Variants in SORBS2 observed in about 807,000 individuals in gnomAD.
SORBS2 encodes the protein sorbin and SH3 domain-containing protein 2.
A neutral mutation model predicts 97.7 loss-of-function variants in SORBS2; 46 were observed. That is an observed-to-expected ratio of 0.47 (90% confidence interval 0.37 to 0.60). SORBS2 has a LOEUF of 0.60. SORBS2 is among the 20% of genes least tolerant of loss of function. SORBS2 has a pLI of 0.00. For missense variants in SORBS2, 1,316 were observed against 1,282.3 expected (o/e 1.03, Z -0.40); for synonymous variants, 476 against 473.4 (o/e 1.01, Z -0.07).
intron 1 of SORBS2, among the ~76,000 whole-genome samples, chr4:185,854,192 G>A (rs999056236): frequency 4.6e-5 from 7 of 152,152 alleles, no homozygotes; most frequent in Admixed American, 6.5e-5. Flanking sequence ...AGGGGGTGGC[G>A]GAGTGGACAT....
intron 2 of SORBS2, among the ~76,000 whole-genome samples, chr4:185,767,682 C>T (rs904540556): frequency 7.2e-5 from 11 of 151,946 alleles, no homozygotes; most frequent in Non-Finnish European, 1.2e-4. Context: ...TACTGACTGC[C>T]CCGAGGCCTC....
chr4:185,593,290 C>T (rs1213905241), intron 13 of SORBS2: 1 of 152,284 alleles, frequency 6.6e-6, no homozygotes, highest in Non-Finnish European at 1.5e-5. Context: ...TTCAAGACAA[C>T]GTGTGACACC....
At chr4:185,764,157 C>T (rs1282995411) in intron 2 of SORBS2, among the ~76,000 whole-genome samples, 2 of 152,182 alleles carry the variant, frequency 1.3e-5, no homozygotes, top group Non-Finnish European at 2.9e-5. Flanking sequence ...CATATCCAGC[C>T]ATATCACTGC....
chr4:185,669,865 GA>G (rs1458470883), intron 4 of SORBS2, among the ~76,000 whole-genome samples: 1 of 152,114 alleles, frequency 6.6e-6, no homozygotes, highest in Non-Finnish European at 1.5e-5. Flanking sequence ...AGACATGTTT[GA>G]CAATTTCCAA....
intron 1 of SORBS2, among the ~76,000 whole-genome samples, chr4:185,911,576 G>A (rs965204170): frequency 4.6e-5 from 7 of 151,988 alleles, no homozygotes; most frequent in East Asian, 1.9e-4. Flanking sequence ...ACACTTAACC[G>A]CACTTTAATG....
intron 2 of SORBS2, among the ~76,000 whole-genome samples, chr4:185,702,261 C>T (rs1332177733): frequency 6.6e-6 from 1 of 152,124 alleles, no homozygotes; most frequent in Non-Finnish European, 1.5e-5. Context: ...AGAGAGGCCT[C>T]ATGATGCTTC....
At chr4:185,840,785 C>T (rs545659152) in intron 1 of SORBS2, among the ~76,000 whole-genome samples, 15 of 152,084 alleles carry the variant, frequency 9.9e-5, no homozygotes, top group East Asian at 3.9e-4. Flanking sequence ...CACTTGATAC[C>T]GAGATGAAGG....
chr4:185,823,362 A>G (rs2099197937), intron 1 of SORBS2, among the ~76,000 whole-genome samples: 1 of 152,224 alleles, frequency 6.6e-6, no homozygotes, highest in Non-Finnish European at 1.5e-5. Context: ...ATAAGCCCAT[A>G]AAAATGTATG....
At chr4:185,652,789 T>A in intron 1 of SORBS2, 61 bp from the exon 10 acceptor site, 1 of 1,185,256 alleles carries the variant, frequency 8.4e-7, no homozygotes, top group Non-Finnish European at 1.3e-6. Context: ...CGCTTCTCAG[T>A]GTTTTCATTT....
chr4:185,662,043 C>T (rs145248472), intron 5 of SORBS2, 61 bp downstream of exon 8: 19 of 1,587,222 alleles, frequency 1.2e-5, no homozygotes, highest in Non-Finnish European at 1.5e-5. Context: ...ATATCTTTCT[C>T]CTGTGGTTGT....
chr4:185,869,770 C>T (rs981160413), intron 1 of SORBS2, among the ~76,000 whole-genome samples: 2 of 152,162 alleles, frequency 1.3e-5, no homozygotes, highest in African/African-American at 4.8e-5. Flanking sequence ...ATAGACAAAT[C>T]CATGGAATTG....
At position 185,603,239 on chromosome 4, in the gene SORBS2, A is replaced by G. The variant is rs563915261; in HGVS notation, c.2796+8541T>C. 3.6e-4 allele frequency among the ~76,000 whole-genome samples: 54 copies of G among 151,706 alleles called. 1 individual carries two copies. The East Asian group carries it at 9.9e-3, about 28-fold the overall frequency. On this transcript the variant is annotated intron_variant, in intron 12 of 14. Transcript: ENST00000418609. ...CTTATTGACTAAGCTTAAAAACCGA[A>G]GAACAAGTTAAAAAAAAAGACAAGA... is the stretch of plus-strand genomic sequence containing the variant.
intron 2 of SORBS2, among the ~76,000 whole-genome samples, chr4:185,741,370 C>T (rs2098723992): frequency 1.3e-5 from 2 of 151,090 alleles, no homozygotes; most frequent in Admixed American, 1.3e-4. Context: ...GCTGCCCTCT[C>T]CTCACTTTTC....
chr4:185,621,807 C>G (rs1056018693), intron 7 of SORBS2, among the ~76,000 whole-genome samples: 2 of 152,124 alleles, frequency 1.3e-5, no homozygotes, highest in Admixed American at 1.3e-4. Context: ...GTTTGAATCT[C>G]TTTTCTGTTA....
At position 185,947,414 on chromosome 4, in the gene SORBS2, A is replaced by T. The variant is rs372220521; in HGVS notation, c.-338+8782T>A. 9.2e-5 allele frequency among the ~76,000 whole-genome samples: 14 copies of T among 152,086 alleles called. No homozygotes were observed. In the East Asian group the frequency reaches 1.4e-3, roughly 15 times the overall value. On this transcript the variant is annotated intron_variant, in intron 1 of 20. Transcript: ENST00000284776. The stretch of plus-strand genomic sequence containing the variant: ...AGGTCTTTTCTTCCTAGGTTAATTC[A>T]CTTTTTTTTCTAGCCCAAACCATCT...
At chr4:185,666,305 G>T in intron 4 of SORBS2, 2 of 572,330 alleles carry the variant, frequency 3.5e-6, no homozygotes, top group Non-Finnish European at 5.7e-6. Flanking sequence ...GGTTTTATTT[G>T]CAAGCACTTT....
intron 2 of SORBS2, among the ~76,000 whole-genome samples, chr4:185,730,587 G>A (rs140509708): frequency 5.5e-4 from 84 of 152,314 alleles, no homozygotes; most frequent in African/African-American, 2.0e-3. Flanking sequence ...GGAAGTCCTT[G>A]AGCGAGTCTC....
chr4:185,694,706 C>CTTTCTTTTTTTTTTTTTTTTTTTTT (rs1388020260), intron 2 of SORBS2, among the ~76,000 whole-genome samples: 1 of 124,246 alleles, frequency 8.0e-6, no homozygotes, highest in African/African-American at 3.0e-5. Flanking sequence ...CCTTTTCTTT[C>CTTTCTTTTTTTTTTTTTTTTTTTTT]TTTTCTTTTC....
intron 2 of SORBS2, among the ~76,000 whole-genome samples, chr4:185,686,784 G>T (rs2097968933): frequency 6.6e-6 from 1 of 152,234 alleles, no homozygotes; most frequent in Non-Finnish European, 1.5e-5. Flanking sequence ...AGGGTCACAG[G>T]TTAAATCTCT....
Sources: allele counts gnomAD v4.1 joint callset (sites outside exome capture counted in the v4.1 genomes callset), GRCh38; gene constraint gnomAD v4.1.1; transcripts MANE v1.5; gene names NCBI Gene and HGNC (gene_info 2026-07-23, HGNC 2026-07-21).